Variants in CAPN13 observed in about 807,000 individuals in gnomAD.
The protein encoded by CAPN13 is calpain 13.
Under a neutral mutation model 98.4 loss-of-function variants are expected in CAPN13, and 90 were observed. The ratio of observed to expected loss-of-function variants is 0.92; its 90% CI spans 0.77 to 1.09. The LOEUF (loss-of-function observed/expected upper bound fraction) is 1.09, where lower values mean the gene tolerates loss of function less well. Among genes scored for constraint, CAPN13 ranks in the 50% least tolerant of loss-of-function variants. CAPN13 has a pLI of 0.00. For missense variants in CAPN13, 887 were observed against 841.3 expected (o/e 1.05, Z -0.67); for synonymous variants, 330 against 305.5 (o/e 1.08, Z -0.84).
intron 7 of CAPN13, among the ~76,000 whole-genome samples, chr2:30,760,603 A>G (rs1041664903): frequency 5.3e-5 from 8 of 152,328 alleles, no homozygotes; most frequent in African/African-American, 1.9e-4. Flanking sequence ...TCCCGCCTAG[A>G]GGGAGGATGA....
intron 8 of CAPN13, among the ~76,000 whole-genome samples, chr2:30,755,849 G>C (rs1672416506): frequency 6.6e-6 from 1 of 152,154 alleles, no homozygotes; most frequent in Non-Finnish European, 1.5e-5. Flanking sequence ...ATGTAGTGTA[G>C]ATCAATACGC....
intron 4 of CAPN13, among the ~76,000 whole-genome samples, chr2:30,771,888 A>G (rs956625679): frequency 1.4e-4 from 21 of 152,218 alleles, no homozygotes; most frequent in Non-Finnish European, 2.8e-4. Flanking sequence ...GAGATCACAA[A>G]AGGTGAGATT....
At chr2:30,796,194 G>GTATATATA (rs1674864547) in intron 1 of CAPN13, among the ~76,000 whole-genome samples, 1 of 126,254 alleles carries the variant, frequency 7.9e-6, no homozygotes, top group African/African-American at 3.5e-5. Flanking sequence ...ACATATATAT[G>GTATATATA]TGTGTGTATA....
intron 1 of CAPN13, among the ~76,000 whole-genome samples, chr2:30,804,615 A>T (rs1374969438): frequency 6.6e-6 from 1 of 152,202 alleles, no homozygotes; most frequent in Non-Finnish European, 1.5e-5. Context: ...CCCCAAAATT[A>T]GTGTTCTATG....
At position 30,764,184 on chromosome 2, in the gene CAPN13, A is replaced by T. The variant is rs1672991462; in HGVS notation, c.647T>A (p.Val216Glu). 3.1e-6 allele frequency: 5 copies of T among 1,604,268 alleles called. No homozygotes were observed. In the East Asian group the frequency reaches 1.1e-4, roughly 36 times the overall value. The part of the protein sequence containing the change: ...HSSPVDLVKA[V>E]KTATKAGSLI... The stretch of plus-strand genomic sequence containing the variant: ...GGAGCCTGCCTTGGTCGCTGTCTTC[A>T]CTGCCTTCACCAGGTCCACAGGGGA... Residue 216 changes from valine (V) to glutamate (E), a missense_variant, in exon 6 of 23, where the codon GTG (valine) becomes GAG (glutamate). By Grantham distance (121) the Val-to-Glu change is moderately radical (BLOSUM62 -2). Coordinates refer to ENST00000295055, the MANE Select transcript of CAPN13 (RefSeq NM_144575.3).
intron 22 of CAPN13, among the ~76,000 whole-genome samples, chr2:30,723,825 C>T (rs1433268145): frequency 6.6e-6 from 1 of 152,344 alleles, no homozygotes; most frequent in Admixed American, 6.5e-5. Flanking sequence ...CCTCTCTTGT[C>T]TCTCAGACTA....
At chr2:30,741,802 G>C in intron 15 of CAPN13, 106 bp downstream of exon 15, 2 of 1,576,094 alleles carry the variant, frequency 1.3e-6, no homozygotes, top group Non-Finnish European at 1.7e-6. Flanking sequence ...AGTCCATCAA[G>C]TCACTTCTCC....
At chr2:30,756,940 C>T (rs1026304596) in intron 8 of CAPN13, among the ~76,000 whole-genome samples, 1 of 152,184 alleles carries the variant, frequency 6.6e-6, no homozygotes, top group Non-Finnish European at 1.5e-5. Flanking sequence ...TGGCTGAGTG[C>T]CCAGGGGTGC....
At chr2:30,789,896 G>C (rs1171036265) in intron 1 of CAPN13, among the ~76,000 whole-genome samples, 2 of 152,250 alleles carry the variant, frequency 1.3e-5, no homozygotes, top group Non-Finnish European at 2.9e-5. Context: ...AGGATGGTCA[G>C]TCAGACCTGG....
At chr2:30,802,096 T>C (rs893160378) in intron 1 of CAPN13, among the ~76,000 whole-genome samples, 5 of 152,122 alleles carry the variant, frequency 3.3e-5, no homozygotes, top group Admixed American at 2.0e-4. Context: ...CCATTCTGGG[T>C]CTCTCAGGCC....
chr2:30,734,475 T>G lies in CAPN13; in HGVS notation c.1772A>C (p.Asp591Ala). The change falls in exon 19 of 23, where the codon GAC becomes GCC. Residue 591 changes from aspartate to alanine, a missense_variant. Transcript: ENST00000295055. ...TGTATTCTCTATGGCCTTCCACAAG[T>G]CCGAGCTCAGGAGGACTCCAGGGCT... is the stretch of plus-strand genomic sequence containing the variant. ...QTSPGVLLSS[D>A]LWKAIENTDF... 5 of 1,613,898 alleles carry G rather than the reference T, an allele frequency of 3.1e-6. No homozygotes were observed. Among genetic ancestry groups the G allele is most frequent in the Non-Finnish European group, 3.4e-6 (4 of 1,179,838 alleles).
Position 30,745,748 on chromosome 2 carries a change from G to C in CAPN13, c.1237-14C>G. On this transcript the variant is annotated splice_polypyrimidine_tract_variant and intron_variant, in intron 11 of 22. Coordinates refer to ENST00000295055, the MANE Select transcript of CAPN13 (RefSeq NM_144575.3). ...CTGTGAGCCAGCCTGTTGGAAACAG[G>C]GAGAAAGGCAGATTTAGGAACTCAG... 5 of 1,594,746 alleles carry C rather than the reference G, an allele frequency of 3.1e-6. No homozygotes were observed. Among genetic ancestry groups the C allele is most frequent in the Non-Finnish European group, 4.2e-6 (5 of 1,178,120 alleles).
intron 20 of CAPN13, among the ~76,000 whole-genome samples, chr2:30,731,880 C>A (rs1010138050): frequency 6.6e-6 from 1 of 152,192 alleles, no homozygotes; most frequent in Non-Finnish European, 1.5e-5. Flanking sequence ...CGTGGCATGG[C>A]GGTGAGAGGA....
intron 1 of CAPN13, among the ~76,000 whole-genome samples, chr2:30,801,824 G>C (rs751542029): frequency 1.3e-5 from 2 of 152,064 alleles, no homozygotes; most frequent in Non-Finnish European, 2.9e-5. Flanking sequence ...AGTCCACCAG[G>C]GGAAGGGATT....
In CAPN13 at chr2:30,759,069, T is replaced by TC. The variant is rs1407709927; in HGVS notation, c.775-933dup. ...TTCCTTCCTTCCCTCCCTCCCTCCCTCCTCCCTCCCTTCCTCTCTGCCTCC... is the reference window on the plus strand; with the variant it reads ...TTCCTTCCTTCCCTCCCTCCCTCCCTCCCTCCCTCCCTTCCTCTCTGCCTCC... On this transcript the variant is annotated intron_variant, in intron 7 of 22. Transcript: ENST00000295055. Among the ~76,000 whole-genome samples the TC allele has an allele frequency of 3.6e-4, 4 of 11,186 alleles. No homozygotes were observed. The East Asian group carries it at 4.7e-3, about 13-fold the overall frequency. The allele number at this position is 11,186 out of a possible 152,430, so 7.3% of individuals were successfully genotyped here.
At chr2:30,739,195 A>G (rs751844838) in intron 15 of CAPN13, among the ~76,000 whole-genome samples, 1 of 152,114 alleles carries the variant, frequency 6.6e-6, no homozygotes, top group Non-Finnish European at 1.5e-5. Flanking sequence ...GCTATTCTAT[A>G]TGCGGCTGTT....
intron 1 of CAPN13, among the ~76,000 whole-genome samples, chr2:30,803,883 C>A (rs1675442161): frequency 6.6e-6 from 1 of 152,180 alleles, no homozygotes; most frequent in African/African-American, 2.4e-5. Flanking sequence ...CCTTGTTCAC[C>A]TCTCTATTAT....
At chr2:30,788,850 T>C (rs570767782) in intron 1 of CAPN13, among the ~76,000 whole-genome samples, 18 of 152,310 alleles carry the variant, frequency 1.2e-4, no homozygotes, top group African/African-American at 3.4e-4. Flanking sequence ...TTGGAGAGAA[T>C]TGTGCATACA....
intron 5 of CAPN13, among the ~76,000 whole-genome samples, chr2:30,765,577 C>A (rs1288750542): frequency 6.6e-6 from 1 of 152,216 alleles, no homozygotes; most frequent in Non-Finnish European, 1.5e-5. Context: ...CCCCTCCCTG[C>A]CCTTGGCCTT....
Sources: allele counts gnomAD v4.1 joint callset (sites outside exome capture counted in the v4.1 genomes callset), GRCh38; gene constraint gnomAD v4.1.1; transcripts MANE v1.5; gene names NCBI Gene and HGNC (gene_info 2026-07-23, HGNC 2026-07-21).